Variants in CBFA2T2 observed in about 807,000 individuals in gnomAD.
CBFA2T2 encodes the protein CBFA2/RUNX1 partner transcriptional co-repressor 2.
Under a neutral mutation model 62.2 loss-of-function variants are expected in CBFA2T2, and 11 were observed. The ratio of observed to expected loss-of-function variants is 0.18; its 90% CI spans 0.11 to 0.29. CBFA2T2 has a LOEUF of 0.29. Among genes scored for constraint, CBFA2T2 ranks in the 10% least tolerant of loss-of-function variants. CBFA2T2 has a pLI of 1.00. For synonymous variants in CBFA2T2, 295 were observed against 287.5 expected, an observed-to-expected ratio of 1.03 and a Z score of -0.27; for missense variants, 592 against 774.1, an observed-to-expected ratio of 0.76 and a Z score of 2.79.
intron 4 of CBFA2T2, among the ~76,000 whole-genome samples, chr20:33,621,914 C>G (rs1286619978): frequency 6.6e-6 from 1 of 152,192 alleles, no homozygotes; most frequent in Non-Finnish European, 1.5e-5. Flanking sequence ...CTGGTTCTAT[C>G]TTGGTCTCCT....
At chr20:33,497,007 C>A (rs1473555914) in intron 1 of CBFA2T2, among the ~76,000 whole-genome samples, 1 of 152,128 alleles carries the variant, frequency 6.6e-6, no homozygotes, top group Non-Finnish European at 1.5e-5. Flanking sequence ...GGTGCGGTGG[C>A]TCATGCCTGT....
At chr20:33,591,374 T>A (rs2014617474) in intron 1 of CBFA2T2, among the ~76,000 whole-genome samples, 1 of 146,748 alleles carries the variant, frequency 6.8e-6, no homozygotes, top group Non-Finnish European at 1.5e-5. Context: ...CTGGGGAGGC[T>A]GAGACACAAG....
rs1043436788 is a variant in CBFA2T2, at chr20:33,502,636, C to A, written c.34+12335C>A. ...GCCAGGATGGTCTGGATCTCCTGACCTTGTGATCTGCCTGCCTCGACCTCC... is the reference window on the plus strand; with the variant it reads ...GCCAGGATGGTCTGGATCTCCTGACATTGTGATCTGCCTGCCTCGACCTCC... On this transcript the variant is annotated intron_variant, in intron 1 of 10. Coordinates refer to ENST00000342704, the MANE Select transcript of CBFA2T2 (RefSeq NM_001032999.3). Among the ~76,000 whole-genome samples the A allele has an allele frequency of 4.6e-5, 7 of 151,252 alleles. No individual in the cohort carries two copies. In the East Asian group the frequency reaches 1.4e-3, roughly 30 times the overall value.
intron 1 of CBFA2T2, among the ~76,000 whole-genome samples, chr20:33,576,231 A>G (rs146804744): frequency 1.4e-3 from 209 of 152,296 alleles, no homozygotes; most frequent in African/African-American, 4.8e-3. Flanking sequence ...AAAGCAGGGC[A>G]TTGCAGGTGG....
At chr20:33,630,908 C>T (rs2016422680) in intron 8 of CBFA2T2, among the ~76,000 whole-genome samples, 1 of 152,212 alleles carries the variant, frequency 6.6e-6, no homozygotes, top group African/African-American at 2.4e-5. Context: ...CCACCCCACC[C>T]ACAGCAGCAG....
At chr20:33,604,927 C>T (rs2015282148) in intron 1 of CBFA2T2, among the ~76,000 whole-genome samples, 1 of 152,158 alleles carries the variant, frequency 6.6e-6, no homozygotes, top group East Asian at 1.9e-4. Flanking sequence ...AAAAGGCAAG[C>T]GCAACAGCTC....
At chr20:33,640,286 G>A (rs1248895069) in intron 9 of CBFA2T2, 55 bp from the exon 10 acceptor site, 38 of 1,515,696 alleles carry the variant, frequency 2.5e-5, no homozygotes, top group Middle Eastern at 1.7e-4. Flanking sequence ...AATTGCCGTG[G>A]GATGGGAGGG....
intron 3 of CBFA2T2, among the ~76,000 whole-genome samples, chr20:33,617,574 T>G (rs887331610): frequency 6.6e-5 from 10 of 152,190 alleles, no homozygotes; most frequent in Non-Finnish European, 1.3e-4. Context: ...TTAAAATCAT[T>G]CATGTAGCCC....
chr20:33,638,855 G>T (rs1361967352), intron 9 of CBFA2T2: 1 of 152,282 alleles, frequency 6.6e-6, no homozygotes, highest in Non-Finnish European at 1.5e-5. Flanking sequence ...ATGGGAGGAA[G>T]TGAACAGGAA....
At chr20:33,615,032 C>T (rs1028141541) in intron 3 of CBFA2T2, among the ~76,000 whole-genome samples, 4 of 152,152 alleles carry the variant, frequency 2.6e-5, no homozygotes, top group Admixed American at 2.6e-4. Context: ...AAACACTGCA[C>T]GCAACAGTGG....
chr20:33,554,600 C>CTTTTTTTTTTTT (rs752877501), intron 1 of CBFA2T2, among the ~76,000 whole-genome samples: 144 of 56,076 alleles, frequency 2.6e-3, no homozygotes, highest in Non-Finnish European at 3.4e-3. Flanking sequence ...TTTTTCTTTT[C>CTTTTTTTTTTTT]TTTTTTTTTT....
intron 10 of CBFA2T2, 89 bp from the exon 11 acceptor site, chr20:33,644,258 A>C (rs756745715): frequency 3.4e-6 from 5 of 1,471,324 alleles, no homozygotes; most frequent in Non-Finnish European, 4.6e-6. Context: ...GGTTCTCTAC[A>C]TACAGCCCCT....
chr20:33,572,401 T>C (rs1204499823), intron 1 of CBFA2T2, among the ~76,000 whole-genome samples: 4 of 152,178 alleles, frequency 2.6e-5, no homozygotes, highest in African/African-American at 9.7e-5. Flanking sequence ...TTGGTGAATT[T>C]AGCTAAATGA....
Position 33,644,483 on chromosome 20 carries a change from G to T in CBFA2T2, c.1625G>T (p.Ser542Ile), listed in dbSNP as rs1367249958. The T allele has an allele frequency of 6.2e-7, 1 of 1,614,194 alleles. No homozygotes were observed. Among genetic ancestry groups the T allele is most frequent in the Admixed American group, 1.7e-5 (1 of 60,032 alleles). The stretch of plus-strand genomic sequence containing the variant: ...TGTGGTCAGAACCTGCATGGCCAGA[G>T]CCCCCACGGCCAGGGCCGGCCGCTG... Reference protein sequence around the residue: ...RLCGQNLHGQSPHGQGRPLLP... With the variant: ...RLCGQNLHGQIPHGQGRPLLP... Residue 542 changes from serine (S) to isoleucine (I), a missense_variant, in exon 11 of 11, where the codon AGC becomes ATC. Ser to Ile is a moderately radical substitution (Grantham distance 142). Transcript: ENST00000342704.
intron 1 of CBFA2T2, among the ~76,000 whole-genome samples, chr20:33,498,818 G>A (rs1377651240): frequency 1.3e-5 from 2 of 151,650 alleles, no homozygotes; most frequent in African/African-American, 2.4e-5. Context: ...CGAGGCGGGC[G>A]GATCACCTGA....
At chr20:33,556,631 C>T (rs1664680689) in intron 1 of CBFA2T2, among the ~76,000 whole-genome samples, 1 of 151,958 alleles carries the variant, frequency 6.6e-6, no homozygotes, top group African/African-American at 2.4e-5. Flanking sequence ...GACAAGGTCT[C>T]ACTATGTTGC....
intron 1 of CBFA2T2, among the ~76,000 whole-genome samples, chr20:33,604,354 C>A (rs8116926): frequency 6.6e-6 from 1 of 152,094 alleles, no homozygotes; most frequent in South Asian, 2.1e-4. Context: ...CTTACTGTCA[C>A]TCATTTTACA....
intron 5 of CBFA2T2, chr20:33,623,791 A>G (rs1368571721): frequency 1.4e-6 from 1 of 714,638 alleles, no homozygotes; most frequent in Non-Finnish European, 2.6e-6. Context: ...TACATCTAAA[A>G]TCTATGGGAG....
At chr20:33,549,753 A>G (rs2012682409) in intron 1 of CBFA2T2, among the ~76,000 whole-genome samples, 1 of 152,148 alleles carries the variant, frequency 6.6e-6, no homozygotes. Flanking sequence ...CTTATTTAAA[A>G]TGTTGGCAGG....
Sources: allele counts gnomAD v4.1 joint callset (sites outside exome capture counted in the v4.1 genomes callset), GRCh38; gene constraint gnomAD v4.1.1; transcripts MANE v1.5; gene names NCBI Gene and HGNC (gene_info 2026-07-23, HGNC 2026-07-21).